TENM4: variants seen among roughly 807,000 people sequenced by gnomAD.
TENM4 encodes teneurin-4.
Under a neutral mutation model 243.3 loss-of-function variants are expected in TENM4, and 82 were observed. The ratio of observed to expected loss-of-function variants is 0.34; its 90% CI spans 0.28 to 0.40. The LOEUF (loss-of-function observed/expected upper bound fraction) is 0.40, where lower values mean the gene tolerates loss of function less well. Among genes scored for constraint, TENM4 ranks in the 10% least tolerant of loss-of-function variants. The pLI is 1.00. For missense variants in TENM4, 3,138 were observed against 3,673.3 expected, an observed-to-expected ratio of 0.85 and a Z score of 3.77; for synonymous variants, 1,412 against 1,456.3, an observed-to-expected ratio of 0.97 and a Z score of 0.69.
chr11:79,312,372 A>G (rs986917351), intron 1 of TENM4, among the ~76,000 whole-genome samples: 1 of 152,264 alleles, frequency 6.6e-6, no homozygotes, highest in Non-Finnish European at 1.5e-5. Context: ...AAACAGGTAT[A>G]TAATGCTTAC....
At chr11:78,880,457 TAA>T (rs71763484) in intron 9 of TENM4, among the ~76,000 whole-genome samples, 5,452 of 97,898 alleles carry the variant, frequency 0.056, 11 homozygotes, top group African/African-American at 0.078. Context: ...CAATAAATAC[TAA>T]AAAAAAAAAA....
At chr11:79,002,757 C>G (rs1858366042) in intron 6 of TENM4, among the ~76,000 whole-genome samples, 1 of 152,180 alleles carries the variant, frequency 6.6e-6, no homozygotes, top group Admixed American at 6.5e-5. Flanking sequence ...CTTCTCATCT[C>G]CAATTGACTG....
At chr11:78,849,810 G>A (rs866223240) in intron 12 of TENM4, among the ~76,000 whole-genome samples, 13 of 152,294 alleles carry the variant, frequency 8.5e-5, no homozygotes, top group Middle Eastern at 3.4e-3. Flanking sequence ...TCATCTCATG[G>A]AATTACTGCA....
chr11:79,138,331 T>TATATATATATATATATATATATA (rs1555015535), intron 4 of TENM4, among the ~76,000 whole-genome samples: 21 of 76,116 alleles, frequency 2.8e-4, no homozygotes, highest in East Asian at 2.6e-3. Context: ...ATATATATAT[T>TATATATATATATATATATATATA]ATATATATAA....
At chr11:78,884,105 C>A (rs1855495059) in intron 9 of TENM4, among the ~76,000 whole-genome samples, 1 of 152,198 alleles carries the variant, frequency 6.6e-6, no homozygotes, top group South Asian at 2.1e-4. Context: ...AATTATCTTA[C>A]AGAAATTTCA....
chr11:79,426,389 A>T (rs151315581), intron 1 of TENM4, among the ~76,000 whole-genome samples: 416 of 152,270 alleles, frequency 2.7e-3, no homozygotes, highest in African/African-American at 9.8e-3. Flanking sequence ...GAGTGACCTC[A>T]GGCAAGATGT....
chr11:78,688,025 C>T, intron 29 of TENM4, 29 bp downstream of exon 29: 1 of 1,610,064 alleles, frequency 6.2e-7, no homozygotes, highest in Non-Finnish European at 8.5e-7. Flanking sequence ...CCCTCTGCCT[C>T]AAAGTCCCCT....
intron 10 of TENM4, among the ~76,000 whole-genome samples, chr11:78,857,422 C>T (rs926602364): frequency 3.3e-5 from 5 of 152,140 alleles, no homozygotes; most frequent in Non-Finnish European, 7.4e-5. Context: ...TTACAAAGCA[C>T]ATTTGATGCT....
chr11:79,301,271 C>A (rs184399979), intron 1 of TENM4, among the ~76,000 whole-genome samples: 8 of 152,316 alleles, frequency 5.3e-5, no homozygotes, highest in Admixed American at 5.2e-4. Flanking sequence ...CTTCCAGAAC[C>A]TGGCTTCTGT....
At chr11:78,824,328 G>A (rs899041131) in intron 12 of TENM4, among the ~76,000 whole-genome samples, 9 of 152,106 alleles carry the variant, frequency 5.9e-5, no homozygotes, top group Admixed American at 2.6e-4. Context: ...ATATCACATG[G>A]AGCAAGAGCA....
intron 6 of TENM4, among the ~76,000 whole-genome samples, chr11:79,041,859 A>G (rs972215098): frequency 5.9e-5 from 9 of 152,340 alleles, no homozygotes; most frequent in Admixed American, 2.6e-4. Context: ...ACATTTACTG[A>G]ACACCTGGGT....
In TENM4 at chr11:78,789,506, G is replaced by A. The variant is rs142899636; in HGVS notation, c.2180-2423C>T. Reference sequence around the variant, plus strand: ...AACATTGAAAGGGCAATGACTTCCTGGTGACTCTGGAGGCTGGGCCTGGGG... The same window carrying A: ...AACATTGAAAGGGCAATGACTTCCTAGTGACTCTGGAGGCTGGGCCTGGGG... On this transcript the variant is annotated intron_variant, in intron 15 of 33. Coordinates refer to ENST00000278550, the MANE Select transcript of TENM4 (RefSeq NM_001098816.3). 3.1e-3 allele frequency among the ~76,000 whole-genome samples: 468 copies of A among 152,296 alleles called. 2 individuals carry two copies. The highest frequency in any genetic ancestry group is 0.011 in the African/African-American group (444 of 41,554).
chr11:78,996,676 C>T (rs1457555261), intron 6 of TENM4, among the ~76,000 whole-genome samples: 1 of 152,112 alleles, frequency 6.6e-6, no homozygotes, highest in Non-Finnish European at 1.5e-5. Context: ...AATAGTGGAC[C>T]CAAGCAGTGC....
At chr11:78,714,259 A>G (rs544525743) in intron 25 of TENM4, among the ~76,000 whole-genome samples, 64 of 152,176 alleles carry the variant, frequency 4.2e-4, no homozygotes, top group Non-Finnish European at 7.5e-4. Flanking sequence ...TGAATTCCCT[A>G]TGAAGGCTGG....
intron 9 of TENM4, among the ~76,000 whole-genome samples, chr11:78,870,378 C>G (rs1423650165): frequency 6.6e-6 from 1 of 152,098 alleles, no homozygotes; most frequent in Non-Finnish European, 1.5e-5. Context: ...AATTGAGGGC[C>G]CTCACCTGCT....
intron 4 of TENM4, among the ~76,000 whole-genome samples, chr11:79,082,121 A>C (rs796526512): frequency 2.0e-5 from 3 of 152,278 alleles, no homozygotes; most frequent in African/African-American, 7.2e-5. Flanking sequence ...GCTGGGTTGA[A>C]CCAAAGTGAA....
chr11:79,211,301 C>T (rs757673658), intron 3 of TENM4, among the ~76,000 whole-genome samples: 2 of 152,208 alleles, frequency 1.3e-5, no homozygotes, highest in Admixed American at 6.5e-5. Flanking sequence ...CCCCTCTGTA[C>T]TGAGACTGTT....
intron 6 of TENM4, among the ~76,000 whole-genome samples, chr11:79,052,599 TA>T (rs1329887580): frequency 6.6e-6 from 1 of 151,816 alleles, no homozygotes; most frequent in East Asian, 1.9e-4. Flanking sequence ...AGTTTATGAG[TA>T]AAAAGAAATA....
At chr11:79,081,725 T>A (rs970486454) in intron 4 of TENM4, among the ~76,000 whole-genome samples, 3 of 152,130 alleles carry the variant, frequency 2.0e-5, no homozygotes, top group Non-Finnish European at 4.4e-5. Flanking sequence ...GGAGTGCTCG[T>A]GGCTGACACA....
Sources: allele counts gnomAD v4.1 joint callset (sites outside exome capture counted in the v4.1 genomes callset), GRCh38; gene constraint gnomAD v4.1.1; transcripts MANE v1.5; gene names NCBI Gene and HGNC (gene_info 2026-07-23, HGNC 2026-07-21).